ATRN: variants seen among roughly 807,000 people sequenced by gnomAD.
The protein encoded by ATRN is attractin-2.
ATRN carries 54 observed loss-of-function variants against 178.7 expected under a neutral mutation model. That is an observed-to-expected ratio of 0.30 (90% CI 0.24 to 0.38). ATRN has a LOEUF of 0.38. ATRN is among the 10% of genes least tolerant of loss of function. The pLI is 1.00. For synonymous variants in ATRN, 636 were observed against 663.0 expected, an observed-to-expected ratio of 0.96 and a Z score of 0.63; for missense variants, 1,443 against 1,815.1, an observed-to-expected ratio of 0.79 and a Z score of 3.73.
At chr20:3,582,707 AAG>A (rs1351974827) in intron 16 of ATRN, among the ~76,000 whole-genome samples, 1 of 152,216 alleles carries the variant, frequency 6.6e-6, no homozygotes, top group Non-Finnish European at 1.5e-5. Context: ...AGAAACAAAA[AAG>A]GAAAATAAAA....
chr20:3,514,196 G>C (rs1225549403), intron 1 of ATRN, among the ~76,000 whole-genome samples: 1 of 152,188 alleles, frequency 6.6e-6, no homozygotes, highest in East Asian at 1.9e-4. Context: ...CCAATACATT[G>C]AAAATTTTAG....
chr20:3,591,357 C>A, intron 19 of ATRN, 51 bp downstream of exon 19: 1 of 1,562,316 alleles, frequency 6.4e-7, no homozygotes, highest in South Asian at 1.2e-5. Context: ...TGGAACACAG[C>A]ACTTCTATTT....
At chr20:3,626,786 T>TC (rs2086944077) in intron 25 of ATRN, among the ~76,000 whole-genome samples, 1 of 148,598 alleles carries the variant, frequency 6.7e-6, no homozygotes. Flanking sequence ...TATTTCTTTT[T>TC]TTTTTTTTTT....
chr20:3,639,253 TTTTGTTTG>T (rs149653690), intron 27 of ATRN, among the ~76,000 whole-genome samples: 10,197 of 152,052 alleles, frequency 0.067, 892 homozygotes, highest in African/African-American at 0.2. Flanking sequence ...ATCATTGTTT[TTTTGTTTG>T]TTTGTTTGTT....
chr20:3,598,093 C>G, intron 22 of ATRN, 93 bp downstream of exon 22: 1 of 793,242 alleles, frequency 1.3e-6, no homozygotes, highest in South Asian at 1.5e-5. Context: ...TAACAGTGCT[C>G]TCCAGACTGG....
Position 3,645,318 on chromosome 20 carries a change from G to A in ATRN, c.4165+1050G>A, listed in dbSNP as rs761069611. Among the ~76,000 whole-genome samples, 3 of 152,224 alleles carry A rather than the reference G, an allele frequency of 2.0e-5. No individual in the cohort carries two copies. Among genetic ancestry groups the A allele is most frequent in the Admixed American group, 6.5e-5 (1 of 15,288 alleles). On this transcript the variant is annotated intron_variant, in intron 28 of 28. Coordinates refer to ENST00000262919, the MANE Select transcript of ATRN (RefSeq NM_139321.3). The surrounding 1 kb of genome is among the most constrained non-coding windows in gnomAD (Gnocchi z 4.7). ...TGGTTAGGATCTATAGTATCTTCACGAGGGAGGCCTTTCGACATGGCTCGG... is the reference window on the plus strand; with the variant it reads ...TGGTTAGGATCTATAGTATCTTCACAAGGGAGGCCTTTCGACATGGCTCGG...
chr20:3,493,871 G>A (rs2084841718), intron 1 of ATRN, among the ~76,000 whole-genome samples: 1 of 152,080 alleles, frequency 6.6e-6, no homozygotes, highest in Non-Finnish European at 1.5e-5. Flanking sequence ...GAAAATTTTT[G>A]TTGTTGCAAA....
intron 11 of ATRN, among the ~76,000 whole-genome samples, chr20:3,568,150 G>A (rs1476399803): frequency 6.6e-6 from 1 of 151,816 alleles, no homozygotes; most frequent in African/African-American, 2.4e-5. Context: ...AATTAGCTGG[G>A]CGTGGTGGCG....
intron 5 of ATRN, among the ~76,000 whole-genome samples, chr20:3,548,754 C>A (rs2085744963): frequency 1.3e-5 from 2 of 152,108 alleles, no homozygotes; most frequent in South Asian, 4.1e-4. Flanking sequence ...GCAAGTGTTA[C>A]ATCACTAGTT....
intron 15 of ATRN, among the ~76,000 whole-genome samples, chr20:3,580,193 T>C (rs1278156282): frequency 6.6e-6 from 1 of 152,188 alleles, no homozygotes; most frequent in African/African-American, 2.4e-5. Context: ...CCCATAGTTA[T>C]TCACTCCCTC....
intron 10 of ATRN, among the ~76,000 whole-genome samples, chr20:3,565,106 C>T (rs2086013694): frequency 6.6e-6 from 1 of 152,048 alleles, no homozygotes; most frequent in South Asian, 2.1e-4. Context: ...GGTGAGTGAT[C>T]CAGATGTCAT....
At chr20:3,576,493 A>T (rs762879418) in intron 13 of ATRN, among the ~76,000 whole-genome samples, 19 of 152,112 alleles carry the variant, frequency 1.2e-4, no homozygotes, top group Non-Finnish European at 1.9e-4. Context: ...AAAATAGAAA[A>T]CTTTCAGACT....
In ATRN at chr20:3,565,977, T is replaced by G. The variant is rs989189071; in HGVS notation, c.1871+545T>G. Among the ~76,000 whole-genome samples the G allele has an allele frequency of 8.5e-5, 13 of 152,282 alleles. No individual in the cohort carries two copies. In the South Asian group the frequency reaches 2.7e-3, roughly 32 times the overall value. On this transcript the variant is annotated intron_variant, in intron 11 of 28. Transcript: ENST00000262919. ...ACTTTGAATGCCATGTTTATTGATC[T>G]GGTTTTGTTAGCACGCAAGAGCATG... is the stretch of plus-strand genomic sequence containing the variant.
intron 11 of ATRN, among the ~76,000 whole-genome samples, chr20:3,568,969 G>A (rs1294417110): frequency 3.3e-5 from 5 of 152,136 alleles, no homozygotes; most frequent in African/African-American, 1.2e-4. Flanking sequence ...CTTGTTTGTA[G>A]TATGATAGTT....
chr20:3,488,473 T>G (rs1487517176), intron 1 of ATRN, among the ~76,000 whole-genome samples: 1 of 152,230 alleles, frequency 6.6e-6, no homozygotes, highest in Non-Finnish European at 1.5e-5. Context: ...ATCCCATTTT[T>G]TGAGAAGACC....
rs1448521338 is a variant in ATRN at position 3,650,169 on chromosome 20, G to A, written c.*3322G>A. ...GAGCAGGGCACTGCTGGTGGGAAGA[G>A]GCATTTTACCTTCCAGTGCAAATCC... On this transcript the variant is annotated 3_prime_UTR_variant, in exon 29 of 29. Coordinates refer to ENST00000262919, the MANE Select transcript of ATRN (RefSeq NM_139321.3). The A allele has an allele frequency of 6.6e-6, 1 of 152,618 alleles. No homozygotes were observed. Among genetic ancestry groups the A allele is most frequent in the African/African-American group, 2.4e-5 (1 of 41,438 alleles). 9.5% of individuals were successfully genotyped at this position (152,618 alleles called of 1,614,324 possible).
intron 1 of ATRN, among the ~76,000 whole-genome samples, chr20:3,504,354 A>G (rs543890494): frequency 1.9e-4 from 29 of 152,066 alleles, no homozygotes; most frequent in Admixed American, 1.9e-3. Flanking sequence ...GGAACAATGG[A>G]AAAATAGAAA....
chr20:3,643,111 C>G (rs1227799684), intron 27 of ATRN, among the ~76,000 whole-genome samples: 1 of 152,114 alleles, frequency 6.6e-6, no homozygotes, highest in Non-Finnish European at 1.5e-5. Context: ...CAGGTGTGAG[C>G]CACTGCGTAA....
At chr20:3,507,658 G>A (rs1424408910) in intron 1 of ATRN, among the ~76,000 whole-genome samples, 1 of 150,862 alleles carries the variant, frequency 6.6e-6, no homozygotes, top group Middle Eastern at 3.2e-3. Flanking sequence ...AGCATACTCA[G>A]CATTTTTGCT....
Sources: allele counts gnomAD v4.1 joint callset (sites outside exome capture counted in the v4.1 genomes callset), GRCh38; gene constraint gnomAD v4.1.1; non-coding constraint Gnocchi (gnomAD v3.1); transcripts MANE v1.5; gene names NCBI Gene and HGNC (gene_info 2026-07-23, HGNC 2026-07-21).